The following KRT74 variants were observed in gnomAD, a reference collection of about 807,000 sequenced individuals.
KRT74 encodes the protein keratin, type II cytoskeletal 74.
Under a neutral mutation model 42.7 loss-of-function variants are expected in KRT74, and 43 were observed. The observed-to-expected ratio is 1.01, with a 90% confidence interval of 0.79 to 1.30. The LOEUF is 1.30. Ranked by LOEUF, KRT74 falls within the 50% of genes most tolerant of loss-of-function variation. The probability of loss-of-function intolerance (pLI) is 0.00; values close to 1 mark genes in which losing one functional copy is unlikely to be tolerated. For missense variants in KRT74, 736 were observed against 689.1 expected (o/e 1.07, Z -0.76); for synonymous variants, 302 against 279.0 (o/e 1.08, Z -0.82).
In KRT74 at chr12:52,573,436, C is replaced by G; in HGVS notation, c.342G>C (p.Gln114His). 3 of 1,614,220 alleles carry G rather than the reference C, an allele frequency of 1.9e-6. No individual in the cohort carries two copies. The highest frequency in any genetic ancestry group is 2.5e-6 in the Non-Finnish European group (3 of 1,180,042). The change falls in exon 1 of 9, where the codon CAG becomes CAC. Residue 114 changes from glutamine (Q) to histidine (H), a missense_variant. Coordinates refer to ENST00000305620, the MANE Select transcript of KRT74 (RefSeq NM_175053.4). ...CCAAGAGGCTCTTGTTGACAGTGACCTGGTGGATGCCCCCAGGTGGGCACA... is the reference window on the plus strand; with the variant it reads ...CCAAGAGGCTCTTGTTGACAGTGACGTGGTGGATGCCCCCAGGTGGGCACA... ...LSVCPPGGIH[Q>H]VTVNKSLLAP...
chr12:52,567,081 C>G lies in KRT74; in HGVS notation c.1478G>C (p.Gly493Ala). 2 of 1,597,880 alleles carry G rather than the reference C, an allele frequency of 1.3e-6. No homozygotes were observed. The highest frequency in any genetic ancestry group is 1.7e-6 in the Non-Finnish European group (2 of 1,167,790). ...CTTGGTCTGCCCGCTCTGGGTGCTGCCAGAGCTGCCTGCCACAGCGCTGGC... is the reference window on the plus strand; with the variant it reads ...CTTGGTCTGCCCGCTCTGGGTGCTGGCAGAGCTGCCTGCCACAGCGCTGGC... ...LGASAVAGSS[G>A]STQSGQTKTT... The change falls in exon 9 of 9, where the codon GGC becomes GCC. Residue 493 changes from glycine to alanine, a missense_variant. Gly to Ala is a moderately conservative substitution (Grantham distance 60). Coordinates refer to ENST00000305620, the MANE Select transcript of KRT74 (RefSeq NM_175053.4).
intron 6 of KRT74, among the ~76,000 whole-genome samples, chr12:52,568,718 C>A (rs1201126658): frequency 6.6e-6 from 1 of 152,184 alleles, no homozygotes; most frequent in Non-Finnish European, 1.5e-5. Context: ...ATGCCCGATC[C>A]CCTAGCAAGG....
chr12:52,570,031 G>C, intron 5 of KRT74, 47 bp from the exon 6 acceptor site: 1 of 1,610,014 alleles, frequency 6.2e-7, no homozygotes, highest in African/African-American at 1.3e-5. Context: ...AGGGCACTGG[G>C]GAAGGGTCCT....
chr12:52,568,917 C>A (rs925690272), intron 6 of KRT74, among the ~76,000 whole-genome samples: 1 of 152,188 alleles, frequency 6.6e-6, no homozygotes, highest in Admixed American at 6.5e-5. Flanking sequence ...GAGGATAAGG[C>A]CCTAAATTAT....
chr12:52,567,120 C>A lies in KRT74; in HGVS notation c.1439G>T (p.Gly480Val), dbSNP rs143004071. 1 of 1,605,636 alleles carries A rather than the reference C, an allele frequency of 6.2e-7. No homozygotes were observed. Among genetic ancestry groups the A allele is most frequent in the Non-Finnish European group, 8.5e-7 (1 of 1,173,460 alleles). ...SYSYHHPSSA[G>V]VDLGASAVAG... ...CACAGCGCTGGCCCCAAGGTCAACA[C>A]CCGCAGAGCTGGGGTGGTGGTAGCT... Residue 480 changes from glycine to valine, a missense_variant, in exon 9 of 9, where the codon GGT (glycine) becomes GTT (valine). Transcript: ENST00000305620.
chr12:52,573,053 CT>C (rs1008937049), intron 1 of KRT74, among the ~76,000 whole-genome samples: 3 of 152,218 alleles, frequency 2.0e-5, no homozygotes, highest in Non-Finnish European at 2.9e-5. Flanking sequence ...AAACTCATCA[CT>C]TTTTTGTCAA....
At position 52,568,260 on chromosome 12, in the gene KRT74, G is replaced by T. The variant is rs147405602; in HGVS notation, c.1264C>A (p.Leu422Met). The change falls in exon 7 of 9, where the codon CTG becomes ATG. Residue 422 changes from leucine to methionine, a missense_variant. Transcript: ENST00000305620. ...CTCATGAGCTCCTGGTACTCGCGCA[G>T]CATCCGCGCCAGCTCCTCCTTGGCC... ...HQAKEELARM[L>M]REYQELMSLK... 1,222 of 1,614,104 alleles carry T rather than the reference G, an allele frequency of 7.6e-4. 10 individuals carry two copies. In the African/African-American group the frequency reaches 0.014, roughly 18 times the overall value.
In KRT74 at chr12:52,568,197, G is replaced by T; in HGVS notation, c.1327C>A (p.Arg443Ser). The T allele has an allele frequency of 6.2e-7, 1 of 1,614,224 alleles. No homozygotes were observed. The highest frequency in any genetic ancestry group is 8.5e-7 in the Non-Finnish European group (1 of 1,180,046). Reference protein sequence around the residue: ...LALDMEIATYRKLLEGEECRM... With the variant: ...LALDMEIATYSKLLEGEECRM... ...CACTCCTCGCCCTCCAGCAGCTTGC[G>T]GTAGGTGGCAATCTCCATGTCCAGG... is the stretch of plus-strand genomic sequence containing the variant. Residue 443 changes from arginine to serine, a missense_variant, in exon 7 of 9, where the codon CGC (arginine) becomes AGC (serine). Transcript: ENST00000305620.
At chr12:52,569,795 C>G (rs1050011465) in intron 6 of KRT74, 64 bp downstream of exon 6, 1 of 1,606,298 alleles carries the variant, frequency 6.2e-7, no homozygotes, top group African/African-American at 1.3e-5. Flanking sequence ...AAAGGGCAGG[C>G]CCCATTTCCT....
intron 3 of KRT74, 150 bp from the exon 4 acceptor site, chr12:52,571,604 C>G: frequency 1.4e-6 from 1 of 702,198 alleles, no homozygotes; most frequent in Non-Finnish European, 2.6e-6. Flanking sequence ...CTGCCTGAAG[C>G]TTTGGGAATA....
In KRT74 at chr12:52,568,195, G is replaced by A. The variant is rs375751912; in HGVS notation, c.1329C>T (p.Arg443=). 1.2e-6 allele frequency: 2 copies of A among 1,614,014 alleles called. No individual in the cohort carries two copies. The highest frequency in any genetic ancestry group is 1.3e-5 in the African/African-American group (1 of 74,900). Residue 443 remains arginine, a synonymous_variant, in exon 7 of 9, where the codon CGC becomes CGT. Transcript: ENST00000305620. ...LALDMEIATY[R]KLLEGEECRM... ...TGCACTCCTCGCCCTCCAGCAGCTT[G>A]CGGTAGGTGGCAATCTCCATGTCCA...
chr12:52,571,917 T>G, intron 3 of KRT74, 27 bp downstream of exon 3: 1 of 1,436,364 alleles, frequency 7.0e-7, no homozygotes, highest in Non-Finnish European at 9.8e-7. Flanking sequence ...CGAGAGACCC[T>G]AATAAGGAGG....
chr12:52,573,396 C>G lies in KRT74; in HGVS notation c.382G>C (p.Glu128Gln), dbSNP rs1308099988. The G allele has an allele frequency of 1.2e-6, 2 of 1,614,208 alleles. No homozygotes were observed. The highest frequency in any genetic ancestry group is 1.7e-6 in the Non-Finnish European group (2 of 1,180,046). The change falls in exon 1 of 9, where the codon GAG becomes CAG. Residue 128 changes from glutamate to glutamine, a missense_variant. By Grantham distance (29) the Glu-to-Gln change is conservative. Transcript: ENST00000305620. ...ACCTTCTGGATCTCAGGGTCCAGCTCCACGTTGAGGGGGGCCAAGAGGCTC... is the reference window on the plus strand; with the variant it reads ...ACCTTCTGGATCTCAGGGTCCAGCTGCACGTTGAGGGGGGCCAAGAGGCTC... The part of the protein sequence containing the change: ...NKSLLAPLNV[E>Q]LDPEIQKVRA...
chr12:52,572,417 A>G (rs1271584258), intron 2 of KRT74, 36 bp downstream of exon 2: 1 of 1,609,452 alleles, frequency 6.2e-7, no homozygotes, highest in Admixed American at 1.7e-5. Context: ...AGGCACGGGA[A>G]ACATGGTCTG....
At chr12:52,571,198 G>A (rs1405023745) in intron 4 of KRT74, among the ~76,000 whole-genome samples, 161 bp downstream of exon 4, 8 of 152,216 alleles carry the variant, frequency 5.3e-5, no homozygotes, top group Non-Finnish European at 1.2e-4. Context: ...TGGCCTCCAA[G>A]GACCAGCATC....
At position 52,566,897 on chromosome 12, in the gene KRT74, G is replaced by A; in HGVS notation, c.*72C>T. On this transcript the variant is annotated 3_prime_UTR_variant, in exon 9 of 9. Coordinates refer to ENST00000305620, the MANE Select transcript of KRT74 (RefSeq NM_175053.4). ...TAAAACTCAGGGCCTGGGAACTTGG[G>A]TGTGGCAGACACCTTTGGGGGTGGC... is the stretch of plus-strand genomic sequence containing the variant. 1.5e-6 allele frequency: 2 copies of A among 1,324,052 alleles called. No individual in the cohort carries two copies. Among genetic ancestry groups the A allele is most frequent in the East Asian group, 2.3e-5 (1 of 43,012 alleles). The allele number at this position is 1,324,052 out of a possible 1,614,324, so 82.0% of individuals were successfully genotyped here. A position where few individuals can be genotyped will look rare whatever the true frequency, so the allele number is the denominator to read the frequency against.
At position 52,570,178 on chromosome 12, in the gene KRT74, T is replaced by C. The variant is rs183910255; in HGVS notation, c.1009-194A>G. ...CCCAAACATAGTTCCATTACTCAGT[T>C]TACCCAAAGCATAGTTCCATTACTC... On this transcript the variant is annotated intron_variant, in intron 5 of 8. Coordinates refer to ENST00000305620, the MANE Select transcript of KRT74 (RefSeq NM_175053.4). 2.3e-3 allele frequency among the ~76,000 whole-genome samples: 345 copies of C among 152,232 alleles called. 1 individual carries two copies. Among genetic ancestry groups the C allele is most frequent in the African/African-American group, 7.8e-3 (325 of 41,530 alleles).
Position 52,573,585 on chromosome 12 carries a change from C to T in KRT74, c.193G>A (p.Gly65Ser), listed in dbSNP as rs1939529130. 3 of 1,614,190 alleles carry T rather than the reference C, an allele frequency of 1.9e-6. No homozygotes were observed. In the East Asian group the frequency reaches 6.7e-5, roughly 36 times the overall value. The part of the protein sequence containing the change: ...GNRRISFNVA[G>S]GGVRAGGYGF... ...TAACCTCCAGCCCGAACGCCGCCACCAGCCACATTGAAAGAAATACGCCGA... is the reference window on the plus strand; with the variant it reads ...TAACCTCCAGCCCGAACGCCGCCACTAGCCACATTGAAAGAAATACGCCGA... The change falls in exon 1 of 9, where the codon GGT becomes AGT. Residue 65 changes from glycine to serine, a missense_variant. Transcript: ENST00000305620.
chr12:52,573,224 C>T, intron 1 of KRT74, 83 bp downstream of exon 1: 3 of 1,358,490 alleles, frequency 2.2e-6, no homozygotes, highest in Non-Finnish European at 3.2e-6. Context: ...CCTTTCCAGC[C>T]ACAGTGTGCA....
Sources: allele counts gnomAD v4.1 joint callset (sites outside exome capture counted in the v4.1 genomes callset), GRCh38; gene constraint gnomAD v4.1.1; transcripts MANE v1.5; gene names NCBI Gene and HGNC (gene_info 2026-07-23, HGNC 2026-07-21).